TFEC: variants seen among roughly 807,000 people sequenced by gnomAD.
TFEC encodes the protein class E basic helix-loop-helix protein 34.
A neutral mutation model predicts 41.6 loss-of-function variants in TFEC; 31 were observed. The ratio of observed to expected loss-of-function variants is 0.74; its 90% CI spans 0.56 to 1.01. The LOEUF (loss-of-function observed/expected upper bound fraction) is 1.01. Ranked by LOEUF, TFEC falls within the 50% of genes least tolerant of loss-of-function variation. The probability of loss-of-function intolerance (pLI) is 0.00; values close to 1 mark genes in which losing one functional copy is unlikely to be tolerated. For missense variants in TFEC, 402 were observed against 404.1 expected (o/e 0.99, Z 0.04); for synonymous variants, 143 against 140.6 (o/e 1.02, Z -0.12).
intron 1 of TFEC, among the ~76,000 whole-genome samples, chr7:116,003,230 A>G (rs1794665472): frequency 7.3e-6 from 1 of 137,290 alleles, no homozygotes; most frequent in African/African-American, 2.8e-5. Flanking sequence ...CTCTCACATT[A>G]CCATTTTTAA....
intron 1 of TFEC, among the ~76,000 whole-genome samples, chr7:116,149,809 A>G (rs1279056170): frequency 1.3e-5 from 2 of 152,152 alleles, no homozygotes; most frequent in Non-Finnish European, 1.5e-5. Context: ...AATAAAACAA[A>G]AACTCTTAAT....
chr7:115,941,981 A>G lies in TFEC; in HGVS notation c.575T>C (p.Leu192Pro). The change falls in exon 7 of 8, where the codon CTA becomes CCA. Residue 192 changes from leucine to proline, a missense_variant. Transcript: ENST00000265440. ...TCGGGCTCTCTGTTGTTCTTTTTGT[A>G]GCCACTTGATGTACTCCACTGATGC... The part of the protein sequence containing the change: ...LKASVEYIKW[L>P]QKEQQRAREL... 1 of 1,613,102 alleles carries G rather than the reference A, an allele frequency of 6.2e-7. No individual in the cohort carries two copies. The highest frequency in any genetic ancestry group is 8.5e-7 in the Non-Finnish European group (1 of 1,179,386).
chr7:115,974,357 T>C, intron 2 of TFEC, 101 bp from the exon 3 acceptor site: 1 of 667,918 alleles, frequency 1.5e-6, no homozygotes. Flanking sequence ...TAAAAGTTTT[T>C]AGACAATTTA....
At chr7:116,084,551 G>A (rs1193422475) in intron 3 of TFEC, among the ~76,000 whole-genome samples, 1 of 151,640 alleles carries the variant, frequency 6.6e-6, no homozygotes, top group Non-Finnish European at 1.5e-5. Context: ...TGGCACATTG[G>A]GTAGATTTTC....
chr7:116,051,488 G>A (rs1254109731), intron 3 of TFEC, among the ~76,000 whole-genome samples: 1 of 152,124 alleles, frequency 6.6e-6, no homozygotes, highest in Non-Finnish European at 1.5e-5. Flanking sequence ...ATGATGAGGT[G>A]TTCTAGGTAC....
chr7:116,024,807 A>G (rs868124650), intron 1 of TFEC, among the ~76,000 whole-genome samples: 4 of 150,064 alleles, frequency 2.7e-5, no homozygotes, highest in South Asian at 4.1e-4. Context: ...ATCATATTCC[A>G]GAATATCTTT....
intron 3 of TFEC, among the ~76,000 whole-genome samples, chr7:115,959,949 G>A (rs760504158): frequency 6.6e-6 from 1 of 151,354 alleles, no homozygotes. Flanking sequence ...TAAAGTAACG[G>A]AGACACATTT....
At chr7:115,952,583 T>C (rs1431921504) in intron 5 of TFEC, among the ~76,000 whole-genome samples, 7 of 152,114 alleles carry the variant, frequency 4.6e-5, no homozygotes, top group Admixed American at 4.6e-4. Flanking sequence ...TGATGTAGAA[T>C]GTCAGAACCT....
intron 3 of TFEC, among the ~76,000 whole-genome samples, chr7:116,039,938 T>C (rs1322547862): frequency 6.6e-6 from 1 of 152,110 alleles, no homozygotes; most frequent in Non-Finnish European, 1.5e-5. Flanking sequence ...CAAAATTAGA[T>C]AAAAGAGGAG....
intron 1 of TFEC, among the ~76,000 whole-genome samples, chr7:116,020,434 T>C (rs896897530): frequency 6.6e-6 from 1 of 152,170 alleles, no homozygotes; most frequent in African/African-American, 2.4e-5. Flanking sequence ...ATAATGATTC[T>C]ATAATGTAAA....
intron 1 of TFEC, among the ~76,000 whole-genome samples, chr7:116,134,168 A>T (rs1323213655): frequency 1.3e-5 from 2 of 152,210 alleles, no homozygotes; most frequent in Admixed American, 1.3e-4. Context: ...ACATTAAAAG[A>T]AATAAAATTA....
intron 3 of TFEC, chr7:115,968,365 T>C (rs557938776): frequency 5.1e-6 from 7 of 1,381,080 alleles, no homozygotes; most frequent in African/African-American, 1.5e-5. Context: ...TAGATTGTGA[T>C]TGACAAAAGC....
At chr7:116,111,816 A>G (rs1797861597) in intron 2 of TFEC, among the ~76,000 whole-genome samples, 1 of 152,046 alleles carries the variant, frequency 6.6e-6, no homozygotes, top group Non-Finnish European at 1.5e-5. Flanking sequence ...CCAACCCCCA[A>G]GGAATTTAGA....
At chr7:116,056,716 G>C (rs189142427) in intron 3 of TFEC, among the ~76,000 whole-genome samples, 2 of 152,096 alleles carry the variant, frequency 1.3e-5, no homozygotes, top group Admixed American at 1.3e-4. Flanking sequence ...TTGTGTCCCA[G>C]AACAAAGTTC....
intron 3 of TFEC, among the ~76,000 whole-genome samples, chr7:116,091,042 C>A (rs1797315269): frequency 6.7e-6 from 1 of 149,964 alleles, no homozygotes; most frequent in African/African-American, 2.5e-5. Flanking sequence ...TGCAGCAAAC[C>A]ATCATGGCAC....
intron 1 of TFEC, 106 bp from the exon 2 acceptor site, chr7:115,984,619 T>G (rs988631761): frequency 7.7e-7 from 1 of 1,300,742 alleles, no homozygotes; most frequent in African/African-American, 1.5e-5. Flanking sequence ...CACTATAGCA[T>G]CTAGTTTCTC....
intron 1 of TFEC, among the ~76,000 whole-genome samples, chr7:116,151,382 A>G (rs2116464876): frequency 6.6e-6 from 1 of 151,916 alleles, no homozygotes; most frequent in African/African-American, 2.4e-5. Flanking sequence ...AGTTGGGGCT[A>G]CAGGCACCCA....
intron 1 of TFEC, among the ~76,000 whole-genome samples, chr7:116,024,769 T>C (rs762411657): frequency 3.8e-4 from 58 of 152,272 alleles, no homozygotes; most frequent in Non-Finnish European, 6.5e-4. Flanking sequence ...AGCTTATCCA[T>C]TTATTTTATA....
At chr7:116,050,876 A>T (rs62475171) in intron 3 of TFEC, among the ~76,000 whole-genome samples, 45,447 of 152,112 alleles carry the variant, frequency 0.3, 6,989 homozygotes, top group East Asian at 0.39. Context: ...TATTCACAAT[A>T]GCAAAGACTT....
Sources: gnomAD v4.1 joint callset for allele counts (sites outside exome capture counted in the v4.1 genomes callset) on GRCh38, gnomAD v4.1.1 for gene constraint, MANE v1.5 for transcripts, NCBI Gene and HGNC (gene_info 2026-07-23, HGNC 2026-07-21) for gene names.